The following CTNNA2 variants were observed in gnomAD, a reference collection of about 807,000 sequenced individuals.
The protein encoded by CTNNA2 is catenin alpha-2.
CTNNA2 carries 42 observed loss-of-function variants against 101.0 expected under a neutral mutation model. The observed-to-expected ratio is 0.42, with a 90% confidence interval of 0.32 to 0.54. The LOEUF is 0.54. Among genes scored for constraint, CTNNA2 ranks in the 20% least tolerant of loss-of-function variants. The pLI is 0.14. For missense variants in CTNNA2, 871 were observed against 1,223.1 expected (o/e 0.71, Z 4.29); for synonymous variants, 450 against 456.4 (o/e 0.99, Z 0.18).
At chr2:80,598,496 G>T (rs1697185151) in intron 15 of CTNNA2, among the ~76,000 whole-genome samples, 1 of 152,076 alleles carries the variant, frequency 6.6e-6, no homozygotes, top group East Asian at 1.9e-4. Flanking sequence ...ACTAAAAAGG[G>T]ATTTACTACA....
chr2:80,030,665 G>A (rs1003527542), intron 7 of CTNNA2: 6 of 152,112 alleles, frequency 3.9e-5, no homozygotes, highest in African/African-American at 7.2e-5. Flanking sequence ...TGAAGATGGC[G>A]ATCTTTGATT....
intron 7 of CTNNA2, among the ~76,000 whole-genome samples, chr2:80,362,495 C>G (rs1341016701): frequency 4.6e-5 from 7 of 152,116 alleles, no homozygotes; most frequent in African/African-American, 7.2e-5. Context: ...TAATAACACT[C>G]TTAATTATTT....
intron 1 of CTNNA2, among the ~76,000 whole-genome samples, chr2:79,566,481 A>G (rs932358795): frequency 6.6e-6 from 1 of 152,194 alleles, no homozygotes; most frequent in African/African-American, 2.4e-5. Flanking sequence ...GCTCTCCACT[A>G]TTATTTTCAG....
In CTNNA2 at chr2:79,668,356, T is replaced by A. The variant is rs1381046685; in HGVS notation, c.102+16698T>A. Among the ~76,000 whole-genome samples, 3 of 152,146 alleles carry A rather than the reference T, an allele frequency of 2.0e-5. No homozygotes were observed. In the East Asian group the frequency reaches 5.8e-4, roughly 29 times the overall value. ...TTTATTTCTAGCCAGGTGGATTTTTTGTGATTTAAGATATTTAAATGAATG... is the reference window on the plus strand; with the variant it reads ...TTTATTTCTAGCCAGGTGGATTTTTAGTGATTTAAGATATTTAAATGAATG... On this transcript the variant is annotated intron_variant, in intron 2 of 18. Transcript: ENST00000402739.
At chr2:80,039,742 C>A (rs1185986175) in intron 7 of CTNNA2, among the ~76,000 whole-genome samples, 1 of 152,192 alleles carries the variant, frequency 6.6e-6, no homozygotes, top group Non-Finnish European at 1.5e-5. Context: ...CAGGAAGATA[C>A]AGTTTCCTAT....
At chr2:79,768,654 G>A (rs1673344494) in intron 3 of CTNNA2, among the ~76,000 whole-genome samples, 3 of 151,862 alleles carry the variant, frequency 2.0e-5, no homozygotes, top group African/African-American at 7.3e-5. Context: ...AATAAAAGGA[G>A]GGTTTTTTCC....
At position 79,590,618 on chromosome 2, in the gene CTNNA2, T is replaced by TA. The variant is rs1036586610; in HGVS notation, c.-5-60925dup. Among the ~76,000 whole-genome samples the TA allele has an allele frequency of 6.6e-5, 10 of 151,778 alleles. No individual in the cohort carries two copies. The East Asian group carries it at 9.7e-4, about 15-fold the overall frequency. ...TAAAACTTACGCTTTCGTCCTTTATTAAAAAAAAACATCAGATTTGCTGTG... is the reference window on the plus strand; with the variant it reads ...TAAAACTTACGCTTTCGTCCTTTATTAAAAAAAAAACATCAGATTTGCTGTG... On this transcript the variant is annotated intron_variant, in intron 1 of 18. Transcript: ENST00000402739.
At chr2:79,213,290 T>C (rs952254449) in intron 2 of CTNNA2, among the ~76,000 whole-genome samples, 3 of 152,186 alleles carry the variant, frequency 2.0e-5, no homozygotes, top group Non-Finnish European at 2.9e-5. Context: ...CAGCTTCCTT[T>C]GGAAGTAAAG....
chr2:80,141,846 A>G (rs905070634), intron 7 of CTNNA2, among the ~76,000 whole-genome samples: 5 of 136,600 alleles, frequency 3.7e-5, no homozygotes, highest in Admixed American at 2.4e-4. Context: ...TACAGGAACT[A>G]AAGATAGCAT....
chr2:79,662,084 G>A (rs578023997), intron 2 of CTNNA2, among the ~76,000 whole-genome samples: 7 of 151,680 alleles, frequency 4.6e-5, no homozygotes, highest in Admixed American at 3.9e-4. Flanking sequence ...GCAGAAGATG[G>A]AACAGATGTT....
chr2:79,286,548 A>G (rs544121358), intron 2 of CTNNA2, among the ~76,000 whole-genome samples: 111 of 152,108 alleles, frequency 7.3e-4, no homozygotes, highest in African/African-American at 2.6e-3. Flanking sequence ...TCTGGGTTGA[A>G]AATTCTTTTC....
At chr2:80,604,950 C>T (rs1472355913) in intron 16 of CTNNA2, among the ~76,000 whole-genome samples, 2 of 151,892 alleles carry the variant, frequency 1.3e-5, no homozygotes, top group Non-Finnish European at 2.9e-5. Context: ...AGAACTTCAC[C>T]TTTTCTTATT....
At chr2:79,468,988 A>G (rs1670968747) in intron 4 of CTNNA2, among the ~76,000 whole-genome samples, 1 of 152,186 alleles carries the variant, frequency 6.6e-6, no homozygotes, top group Non-Finnish European at 1.5e-5. Context: ...GCAAGAGCAA[A>G]CACATTCAAA....
chr2:79,392,376 C>T (rs1678183539), intron 4 of CTNNA2, among the ~76,000 whole-genome samples: 1 of 152,112 alleles, frequency 6.6e-6, no homozygotes, highest in South Asian at 2.1e-4. Flanking sequence ...CAAAAAATCT[C>T]AAAAATACAC....
At chr2:79,237,754 G>A (rs951653875) in intron 2 of CTNNA2, among the ~76,000 whole-genome samples, 9 of 152,094 alleles carry the variant, frequency 5.9e-5, no homozygotes, top group African/African-American at 2.2e-4. Context: ...TAAACATTAT[G>A]TACCAACCTC....
At chr2:80,201,698 G>A (rs974534137) in intron 7 of CTNNA2, among the ~76,000 whole-genome samples, 12 of 151,960 alleles carry the variant, frequency 7.9e-5, no homozygotes, top group African/African-American at 2.2e-4. Flanking sequence ...TTCTAATCAT[G>A]GTAAAGTGTT....
intron 9 of CTNNA2, among the ~76,000 whole-genome samples, chr2:80,537,970 C>A (rs1206595493): frequency 6.6e-6 from 1 of 152,150 alleles, no homozygotes; most frequent in African/African-American, 2.4e-5. Flanking sequence ...TTGCATTTCT[C>A]TAATGACCAG....
intron 11 of CTNNA2, among the ~76,000 whole-genome samples, chr2:80,549,457 T>C (rs1352660822): frequency 6.6e-6 from 1 of 152,176 alleles, no homozygotes; most frequent in Non-Finnish European, 1.5e-5. Flanking sequence ...CATCACTGAT[T>C]TTTTTTCATA....
intron 7 of CTNNA2, among the ~76,000 whole-genome samples, chr2:80,255,397 T>G (rs541187273): frequency 1.8e-4 from 27 of 152,040 alleles, no homozygotes; most frequent in African/African-American, 6.3e-4. Flanking sequence ...TTCCTCTTTT[T>G]CCTTTCAGAA....
Sources: gnomAD v4.1 joint callset for allele counts (sites outside exome capture counted in the v4.1 genomes callset) on GRCh38, gnomAD v4.1.1 for gene constraint, MANE v1.5 for transcripts, NCBI Gene and HGNC (gene_info 2026-07-23, HGNC 2026-07-21) for gene names.